Variants in GPC6 observed in about 807,000 individuals in gnomAD.
The protein encoded by GPC6 is glypican 6.
In GPC6, 14 loss-of-function variants were observed where a neutral mutation model predicts 55.2. The ratio of observed to expected loss-of-function variants is 0.25; its 90% CI spans 0.17 to 0.40. GPC6 has a LOEUF of 0.40. Among genes scored for constraint, GPC6 ranks in the 10% least tolerant of loss-of-function variants. The probability of loss-of-function intolerance (pLI) is 1.00; values close to 1 mark genes in which losing one functional copy is unlikely to be tolerated. For synonymous variants in GPC6, 278 were observed against 259.6 expected (o/e 1.07, Z -0.68); for missense variants, 641 against 708.5 (o/e 0.90, Z 1.08).
intron 4 of GPC6, among the ~76,000 whole-genome samples, chr13:94,077,560 A>G (rs4773778): frequency 0.18 from 27,438 of 151,734 alleles, 2,609 homozygotes; most frequent in South Asian, 0.25. Flanking sequence ...TCTCAGAGGA[A>G]AAGCTTTCAG....
At chr13:93,992,015 T>C (rs758988139) in intron 3 of GPC6, among the ~76,000 whole-genome samples, 1 of 151,850 alleles carries the variant, frequency 6.6e-6, no homozygotes, top group Non-Finnish European at 1.5e-5. Context: ...ACATCATATT[T>C]ATATAGTTTA....
At chr13:94,288,907 A>G (rs1381903800) in intron 5 of GPC6, among the ~76,000 whole-genome samples, 1 of 130,974 alleles carries the variant, frequency 7.6e-6, no homozygotes, top group Non-Finnish European at 1.6e-5. Context: ...AAATATATAT[A>G]TATTTGTTAT....
chr13:93,396,328 G>T (rs1253212467), intron 1 of GPC6, among the ~76,000 whole-genome samples: 1 of 152,114 alleles, frequency 6.6e-6, no homozygotes, highest in Non-Finnish European at 1.5e-5. Flanking sequence ...AATTTTGGAG[G>T]CCGAGGTGGG....
At chr13:94,272,874 GC>G (rs1251948829) in intron 4 of GPC6, among the ~76,000 whole-genome samples, 1 of 152,052 alleles carries the variant, frequency 6.6e-6, no homozygotes, top group Admixed American at 6.6e-5. Flanking sequence ...CACGGTCACA[GC>G]TCTGCCACAC....
chr13:93,668,888 A>G (rs1290304149), intron 2 of GPC6, among the ~76,000 whole-genome samples: 1 of 152,240 alleles, frequency 6.6e-6, no homozygotes, highest in Non-Finnish European at 1.5e-5. Flanking sequence ...GGAAACACTT[A>G]GATACATGTA....
Position 94,403,240 on chromosome 13 carries a change from A to G in GPC6, c.*23A>G, listed in dbSNP as rs757020957. 8 of 1,540,652 alleles carry G rather than the reference A, an allele frequency of 5.2e-6. No individual in the cohort carries two copies. The East Asian group carries it at 1.8e-4, about 35-fold the overall frequency. On this transcript the variant is annotated 3_prime_UTR_variant, in exon 9 of 9. Coordinates refer to ENST00000377047, the MANE Select transcript of GPC6 (RefSeq NM_005708.5). ...TAATCTTGGGTTTTTGGTCAGATGA[A>G]ACTGCATTTTAGCTATCTGAATGGC... is the stretch of plus-strand genomic sequence containing the variant.
intron 4 of GPC6, among the ~76,000 whole-genome samples, chr13:94,046,349 C>T (rs1037872929): frequency 1.3e-5 from 2 of 152,062 alleles, no homozygotes; most frequent in Non-Finnish European, 2.9e-5. Flanking sequence ...GCAGAATATA[C>T]TCTGAAGTGT....
At chr13:94,112,203 T>C (rs1271710078) in intron 4 of GPC6, among the ~76,000 whole-genome samples, 1 of 152,212 alleles carries the variant, frequency 6.6e-6, no homozygotes, top group Non-Finnish European at 1.5e-5. Flanking sequence ...ATAACTTTGG[T>C]AAATAACTCC....
chr13:93,433,811 T>C (rs956047559), intron 1 of GPC6, among the ~76,000 whole-genome samples: 3 of 152,094 alleles, frequency 2.0e-5, no homozygotes, highest in Non-Finnish European at 4.4e-5. Flanking sequence ...TACCAATACA[T>C]AGCAGATTAT....
chr13:93,738,936 T>TACACACACAC lies in GPC6; in HGVS notation c.320-91191_320-91182dup, dbSNP rs56928879. On this transcript the variant is annotated intron_variant, in intron 2 of 8. Coordinates refer to ENST00000377047, the MANE Select transcript of GPC6 (RefSeq NM_005708.5). ...TTTAAATTCCAAGTGCACTTGGTTT[T>TACACACACAC]ACACACACACACACACACACACACA... is the stretch of plus-strand genomic sequence containing the variant. 1.6e-3 allele frequency among the ~76,000 whole-genome samples: 240 copies of TACACACACAC among 145,574 alleles called. 2 individuals are homozygous for TACACACACAC. The highest frequency in any genetic ancestry group is 3.8e-3 in the African/African-American group (150 of 39,192).
chr13:93,571,845 G>A (rs1876420901), intron 2 of GPC6, among the ~76,000 whole-genome samples: 1 of 152,004 alleles, frequency 6.6e-6, no homozygotes, highest in Non-Finnish European at 1.5e-5. Flanking sequence ...TGGTGAACGA[G>A]CACAATGGTC....
chr13:93,730,397 G>T (rs1213986471), intron 2 of GPC6, among the ~76,000 whole-genome samples: 2 of 152,104 alleles, frequency 1.3e-5, no homozygotes, highest in African/African-American at 4.8e-5. Context: ...CTTGCTTTTT[G>T]ATTTTCAATA....
At chr13:93,960,579 G>A (rs1056929327) in intron 3 of GPC6, among the ~76,000 whole-genome samples, 5 of 152,280 alleles carry the variant, frequency 3.3e-5, no homozygotes, top group African/African-American at 4.8e-5. Flanking sequence ...GGGTGCTGAG[G>A]TGTATAAGGT....
intron 1 of GPC6, among the ~76,000 whole-genome samples, chr13:93,426,104 A>G (rs1182115409): frequency 1.3e-5 from 2 of 152,138 alleles, no homozygotes; most frequent in South Asian, 2.1e-4. Context: ...CTGTCTCCTA[A>G]TAGGCTTTTA....
At chr13:93,255,693 C>T (rs1334509631) in intron 1 of GPC6, among the ~76,000 whole-genome samples, 1 of 152,144 alleles carries the variant, frequency 6.6e-6, no homozygotes, top group Non-Finnish European at 1.5e-5. Context: ...AGCCTTGGGA[C>T]CCCATTGCTT....
chr13:94,043,141 G>C (rs1381840332), intron 4 of GPC6, among the ~76,000 whole-genome samples: 4 of 151,626 alleles, frequency 2.6e-5, no homozygotes, highest in Admixed American at 2.6e-4. Flanking sequence ...GGATCATTTT[G>C]TATTTTTCCT....
At chr13:94,368,381 C>T (rs1328176707) in intron 6 of GPC6, among the ~76,000 whole-genome samples, 34 of 152,026 alleles carry the variant, frequency 2.2e-4, no homozygotes, top group Non-Finnish European at 1.9e-4. Flanking sequence ...CTATCATCCC[C>T]AAGACTTATT....
intron 4 of GPC6, among the ~76,000 whole-genome samples, chr13:94,201,541 G>A (rs919235212): frequency 3.9e-5 from 6 of 152,010 alleles, no homozygotes; most frequent in Non-Finnish European, 5.9e-5. Context: ...TCACTTTTCC[G>A]ATCTTATGAG....
intron 4 of GPC6, among the ~76,000 whole-genome samples, chr13:94,037,699 G>T (rs1486712574): frequency 6.6e-6 from 1 of 151,886 alleles, no homozygotes; most frequent in Non-Finnish European, 1.5e-5. Flanking sequence ...TCCAGGTTTT[G>T]GCTTCAGTAC....
Sources: gnomAD v4.1 joint callset for allele counts (sites outside exome capture counted in the v4.1 genomes callset) on GRCh38, gnomAD v4.1.1 for gene constraint, MANE v1.5 for transcripts, NCBI Gene and HGNC (gene_info 2026-07-23, HGNC 2026-07-21) for gene names.